Variants in TCP1 observed in about 807,000 individuals in gnomAD.
TCP1 encodes the protein T-complex protein 1 subunit alpha.
A neutral mutation model predicts 54.7 loss-of-function variants in TCP1; 6 were observed. The ratio of observed to expected loss-of-function variants is 0.11; its 90% CI spans 0.06 to 0.22. The LOEUF (loss-of-function observed/expected upper bound fraction) is 0.22, where lower values mean the gene tolerates loss of function less well. TCP1 is among the 10% of genes least tolerant of loss of function. TCP1 has a pLI of 1.00. For missense variants in TCP1, 511 were observed against 678.2 expected, an observed-to-expected ratio of 0.75 and a Z score of 2.74; for synonymous variants, 225 against 229.7, an observed-to-expected ratio of 0.98 and a Z score of 0.19.
chr6:159,778,708 C>T lies in TCP1; in HGVS notation c.*337G>A, dbSNP rs1293863519. The T allele has an allele frequency of 1.2e-6, 2 of 1,614,226 alleles. No individual in the cohort carries two copies. The highest frequency in any genetic ancestry group is 2.2e-5 in the South Asian group (2 of 91,092). On this transcript the variant is annotated 3_prime_UTR_variant, in exon 12 of 12. Coordinates refer to ENST00000321394, the MANE Select transcript of TCP1 (RefSeq NM_030752.3). Reference sequence around the variant, plus strand: ...GCCTTGGGCCACCCTCTTGGAGCATCTGGCTGTCGAATTCTTGTGACCCTG... The same window carrying T: ...GCCTTGGGCCACCCTCTTGGAGCATTTGGCTGTCGAATTCTTGTGACCCTG...
At chr6:159,787,692 G>A (rs756739540) in intron 3 of TCP1, 51 bp downstream of exon 3, 1 of 1,585,718 alleles carries the variant, frequency 6.3e-7, no homozygotes, top group Non-Finnish European at 8.6e-7. Flanking sequence ...TCAACTTTCT[G>A]AAAGTCGGTC....
chr6:159,786,853 ACATTT>A (rs1335677537), intron 3 of TCP1, among the ~76,000 whole-genome samples: 1 of 152,230 alleles, frequency 6.6e-6, no homozygotes, highest in African/African-American at 2.4e-5. Flanking sequence ...ACTGTGTATC[ACATTT>A]ACTGACTCGG....
At chr6:159,786,023 G>T (rs761225355) in intron 3 of TCP1, 26 bp from the exon 4 acceptor site, 2 of 1,568,264 alleles carry the variant, frequency 1.3e-6, no homozygotes, top group East Asian at 2.2e-5. Context: ...TCACTGGTCT[G>T]AGTGTGCCGG....
intron 7 of TCP1, among the ~76,000 whole-genome samples, chr6:159,782,404 A>G (rs191451791): frequency 1.7e-3 from 261 of 152,352 alleles, no homozygotes; most frequent in African/African-American, 6.0e-3. Context: ...TTACAACAGA[A>G]TATAATTTAG....
chr6:159,788,249 TC>T, intron 1 of TCP1, 106 bp from the exon 2 acceptor site: 1 of 1,024,958 alleles, frequency 9.8e-7, no homozygotes. Flanking sequence ...CCCCCGTATT[TC>T]CCAAATCTAC....
Position 159,778,509 on chromosome 6 carries a change from A to C in TCP1, c.*536T>G. 1.1e-6 allele frequency: 1 copy of C among 888,520 alleles called. No homozygotes were observed. Among genetic ancestry groups the C allele is most frequent in the Non-Finnish European group, 1.7e-6 (1 of 604,400 alleles). 55.0% of individuals were successfully genotyped at this position (888,520 alleles called of 1,614,324 possible). ...AAGATAGGCAGGGATGAATTTTCAC[A>C]AAGGTGTAAATTTATTCCTAAGCAG... On this transcript the variant is annotated 3_prime_UTR_variant, in exon 12 of 12. Transcript: ENST00000321394.
In TCP1 at chr6:159,780,656, A is replaced by T. The variant is rs751168122; in HGVS notation, c.974-90T>A. The stretch of plus-strand genomic sequence containing the variant: ...CAGTAGCATTTGTGGTAAAAGTGCT[A>T]TATTACAAGTTTAGAATTTAGTTAG... On this transcript the variant is annotated intron_variant, in intron 8 of 11. Transcript: ENST00000321394. 10 of 1,498,634 alleles carry T rather than the reference A, an allele frequency of 6.7e-6. No individual in the cohort carries two copies. In the South Asian group the frequency reaches 1.2e-4, roughly 18 times the overall value. The allele number at this position is 1,498,634 out of a possible 1,614,324, so 92.8% of individuals were successfully genotyped here. A position where few individuals can be genotyped will look rare whatever the true frequency, so the allele number is the denominator to read the frequency against.
Position 159,778,666 on chromosome 6 carries a change from T to C in TCP1, c.*379A>G. The C allele has an allele frequency of 1.2e-6, 2 of 1,613,900 alleles. No individual in the cohort carries two copies. The highest frequency in any genetic ancestry group is 1.7e-6 in the Non-Finnish European group (2 of 1,179,930). ...TCTTTTCTCCCCCGTTAGGTCAATA[T>C]TGAAGGAGGGGCTATAGCCTTGGGC... is the stretch of plus-strand genomic sequence containing the variant. On this transcript the variant is annotated 3_prime_UTR_variant, in exon 12 of 12. Transcript: ENST00000321394.
chr6:159,787,977 TAAAGTC>T (rs916527050), intron 2 of TCP1, 75 bp downstream of exon 2: 2 of 1,606,588 alleles, frequency 1.2e-6, no homozygotes, highest in Non-Finnish European at 8.5e-7. Flanking sequence ...TGGATTCTGA[TAAAGTC>T]AAAGAAAGAA....
At chr6:159,783,374 A>G (rs1780620397) in intron 7 of TCP1, among the ~76,000 whole-genome samples, 1 of 131,552 alleles carries the variant, frequency 7.6e-6, no homozygotes, top group South Asian at 2.4e-4. Context: ...ACTACTGTTT[A>G]AACTATTTTT....
chr6:159,783,399 T>TTTG (rs1780621726), intron 7 of TCP1, among the ~76,000 whole-genome samples: 1 of 150,638 alleles, frequency 6.6e-6, no homozygotes, highest in South Asian at 2.1e-4. Context: ...TTTTTTTTTT[T>TTTG]GAGACAGGGT....
intron 7 of TCP1, 29 bp downstream of exon 7, chr6:159,783,911 TA>T: frequency 1.3e-6 from 2 of 1,559,666 alleles, no homozygotes; most frequent in Non-Finnish European, 1.7e-6. Flanking sequence ...CACTCACACT[TA>T]AAAGGCCAAA....
At chr6:159,779,414 A>T (rs1449873040) in intron 11 of TCP1, among the ~76,000 whole-genome samples, 153 bp from the exon 12 acceptor site, 1 of 152,226 alleles carries the variant, frequency 6.6e-6, no homozygotes, top group Non-Finnish European at 1.5e-5. Context: ...GGGAGAGATT[A>T]GCAATCACAG....
intron 4 of TCP1, 46 bp from the exon 5 acceptor site, chr6:159,785,542 C>G: frequency 7.0e-7 from 1 of 1,425,136 alleles, no homozygotes; most frequent in Non-Finnish European, 9.9e-7. Flanking sequence ...AGTCACTACT[C>G]AAACTCTTTG....
At position 159,783,992 on chromosome 6, in the gene TCP1, C is replaced by T; in HGVS notation, c.746G>A (p.Gly249Asp). Reference sequence around the variant, plus strand: ...AGGGTCTGTAATGACCACCTGTACACCAAGCTTCATTTTTGTTTTTTGCAG... The same window carrying T: ...AGGGTCTGTAATGACCACCTGTACATCAAGCTTCATTTTTGTTTTTTGCAG... ...FSLQKTKMKL[G>D]VQVVITDPEK... The change falls in exon 7 of 12, where the codon GGT (glycine) becomes GAT (aspartate). Residue 249 changes from glycine (G) to aspartate (D), a missense_variant. Physicochemically the swap from Gly to Asp is moderately conservative, Grantham distance 94. Transcript: ENST00000321394. 1.2e-6 allele frequency: 2 copies of T among 1,613,132 alleles called. No homozygotes were observed. Among genetic ancestry groups the T allele is most frequent in the Non-Finnish European group, 1.7e-6 (2 of 1,179,980 alleles).
chr6:159,786,867 G>A (rs965307692), intron 3 of TCP1, among the ~76,000 whole-genome samples: 1 of 151,912 alleles, frequency 6.6e-6, no homozygotes, highest in Admixed American at 6.6e-5. Flanking sequence ...TTACTGACTC[G>A]GTAAGATCAC....
intron 7 of TCP1, among the ~76,000 whole-genome samples, chr6:159,782,974 T>C (rs1260405551): frequency 2.6e-5 from 4 of 152,100 alleles, no homozygotes; most frequent in South Asian, 2.1e-4. Context: ...GTCCCTCAAA[T>C]GGAGAACAGG....
At chr6:159,784,918 A>G (rs1020780786) in intron 5 of TCP1, 71 bp from the exon 6 acceptor site, 9 of 1,465,352 alleles carry the variant, frequency 6.1e-6, no homozygotes, top group African/African-American at 1.4e-5. Context: ...AATCAAGGGT[A>G]ATTTCAAGGG....
At chr6:159,780,759 A>C (rs1297810060) in intron 8 of TCP1, among the ~76,000 whole-genome samples, 176 bp downstream of exon 8, 1 of 152,256 alleles carries the variant, frequency 6.6e-6, no homozygotes, top group African/African-American at 2.4e-5. Context: ...ACAAATTTCC[A>C]ACAAAATTTC....
Sources: gnomAD v4.1 joint callset for allele counts (sites outside exome capture counted in the v4.1 genomes callset) on GRCh38, gnomAD v4.1.1 for gene constraint, MANE v1.5 for transcripts, NCBI Gene and HGNC (gene_info 2026-07-23, HGNC 2026-07-21) for gene names.